Variants in ARHGEF11 observed in about 807,000 individuals in gnomAD.
ARHGEF11 encodes the protein Rho guanine exchange factor (GEF) 11.
Under a neutral mutation model 193.7 loss-of-function variants are expected in ARHGEF11, and 55 were observed. The observed-to-expected ratio is 0.28, with a 90% CI of 0.23 to 0.36. The LOEUF (loss-of-function observed/expected upper bound fraction) is 0.36. Among genes scored for constraint, ARHGEF11 ranks in the 10% least tolerant of loss-of-function variants. The pLI, the probability that ARHGEF11 is intolerant of heterozygous loss-of-function variation, is 1.00. For missense variants in ARHGEF11, 1,723 were observed against 2,005.6 expected (o/e 0.86, Z 2.69); for synonymous variants, 693 against 768.0 (o/e 0.90, Z 1.62).
At chr1:157,027,364 AGAGT>A (rs1455796377) in intron 1 of ARHGEF11, among the ~76,000 whole-genome samples, 6 of 152,210 alleles carry the variant, frequency 3.9e-5, no homozygotes, top group Non-Finnish European at 7.3e-5. Flanking sequence ...TCTGGGTGAC[AGAGT>A]GAGACCCTGT....
In ARHGEF11 at chr1:156,963,663, A is replaced by G. The variant is rs1223040828; in HGVS notation, c.964-69T>C. The stretch of plus-strand genomic sequence containing the variant: ...ACAGAGGATTCAACCACCTCAGTGA[A>G]GTTTGTTTAGTTGCAGCACAGCACT... On this transcript the variant is annotated intron_variant, in intron 11 of 40. Coordinates refer to ENST00000368194, the MANE Select transcript of ARHGEF11 (RefSeq NM_198236.3). The G allele has an allele frequency of 2.5e-6, 4 of 1,580,110 alleles. No homozygotes were observed. In the Admixed American group the frequency reaches 7.7e-5, roughly 31 times the overall value.
intron 11 of ARHGEF11, 198 bp from the exon 12 acceptor site, chr1:156,963,792 G>C: frequency 1.4e-6 from 2 of 1,419,868 alleles, no homozygotes; most frequent in Non-Finnish European, 9.1e-7. Flanking sequence ...ACTGCTTCTG[G>C]GTGGGGCAGG....
At position 157,044,553 on chromosome 1, in the gene ARHGEF11, A is replaced by G; in HGVS notation, c.-223T>C. 1 of 454,040 alleles carries G rather than the reference A, an allele frequency of 2.2e-6. No individual in the cohort carries two copies. The highest frequency in any genetic ancestry group is 3.9e-6 in the Non-Finnish European group (1 of 255,094). The allele number at this position is 454,040 out of a possible 1,614,324, so 28.1% of individuals were successfully genotyped here. A position where few individuals can be genotyped will look rare whatever the true frequency, so the allele number is the denominator to read the frequency against. On this transcript the variant is annotated 5_prime_UTR_variant, in exon 1 of 41. Transcript: ENST00000368194. The stretch of plus-strand genomic sequence containing the variant: ...GCCCCTCTTCCCCTCCCCCGCTTTA[A>G]AAAAAAAGAAAAGAAAAGAAAAAAG...
intron 3 of ARHGEF11, among the ~76,000 whole-genome samples, chr1:156,984,068 C>T (rs1192999803): frequency 1.3e-5 from 2 of 152,174 alleles, no homozygotes; most frequent in African/African-American, 4.8e-5. Flanking sequence ...GGGCTCCCTT[C>T]GATGGCAATC....
chr1:156,939,376 C>T (rs1656261263), intron 37 of ARHGEF11, 172 bp downstream of exon 37: 5 of 871,968 alleles, frequency 5.7e-6, no homozygotes, highest in South Asian at 1.7e-5. Context: ...CTCGAATGTC[C>T]AACTCCAAAG....
At chr1:157,001,228 A>C (rs770409591) in intron 1 of ARHGEF11, among the ~76,000 whole-genome samples, 8 of 152,140 alleles carry the variant, frequency 5.3e-5, no homozygotes, top group Non-Finnish European at 1.0e-4. Flanking sequence ...AGAGACTTAC[A>C]TCTTCTATTT....
intron 1 of ARHGEF11, among the ~76,000 whole-genome samples, chr1:157,013,017 G>A (rs1668727231): frequency 6.6e-6 from 1 of 152,016 alleles, no homozygotes; most frequent in Admixed American, 6.6e-5. Context: ...CTTTTTAGGG[G>A]GCGTTGACAG....
chr1:156,952,905 C>A (rs903045953), intron 21 of ARHGEF11, among the ~76,000 whole-genome samples: 1 of 152,230 alleles, frequency 6.6e-6, no homozygotes, highest in Non-Finnish European at 1.5e-5. Context: ...GCTGGGCAGC[C>A]GCAGCCCTGA....
intron 19 of ARHGEF11, 111 bp from the exon 20 acceptor site, chr1:156,955,910 A>G: frequency 1.2e-6 from 1 of 824,382 alleles, no homozygotes; most frequent in Non-Finnish European, 2.1e-6. Flanking sequence ...GTAACTGGAG[A>G]GCTGACTCTT....
In ARHGEF11 at chr1:156,935,858, C is replaced by A. The variant is rs1408574334; in HGVS notation, c.*142G>T. 8.4e-6 allele frequency: 8 copies of A among 950,006 alleles called. No individual in the cohort carries two copies. The South Asian group carries it at 1.2e-4, about 15-fold the overall frequency. The allele number at this position is 950,006 out of a possible 1,614,324, so 58.8% of individuals were successfully genotyped here. A position where few individuals can be genotyped will look rare whatever the true frequency, so the allele number is the denominator to read the frequency against. On this transcript the variant is annotated 3_prime_UTR_variant, in exon 41 of 41. Transcript: ENST00000368194. ...AGACCAAGCAACATGCGGGTCTCCC[C>A]CCGGGCCTTGGCTGGATCCTAGTTT...
At chr1:157,017,706 C>CAAAAAAA (rs1047573559) in intron 1 of ARHGEF11, among the ~76,000 whole-genome samples, 26 of 41,494 alleles carry the variant, frequency 6.3e-4, no homozygotes, top group East Asian at 1.2e-3. Context: ...GACTCCGTCT[C>CAAAAAAA]AAAAAAAAAA....
In ARHGEF11 at chr1:156,968,272, C is replaced by T. The variant is rs188468522; in HGVS notation, c.826-148G>A. Reference sequence around the variant, plus strand: ...CTCTGTGCCTGGTATTATACTAAGCCCTTCATTACACATTATCTCATTCGA... The same window carrying T: ...CTCTGTGCCTGGTATTATACTAAGCTCTTCATTACACATTATCTCATTCGA... On this transcript the variant is annotated intron_variant, in intron 10 of 40. Coordinates refer to ENST00000368194, the MANE Select transcript of ARHGEF11 (RefSeq NM_198236.3). 3.1e-5 allele frequency: 26 copies of T among 830,718 alleles called. No homozygotes were observed. The Admixed American group carries it at 7.5e-4, about 24-fold the overall frequency. 51.5% of individuals were successfully genotyped at this position (830,718 alleles called of 1,614,324 possible). A position where few individuals can be genotyped will look rare whatever the true frequency, so the allele number is the denominator to read the frequency against.
intron 38 of ARHGEF11, among the ~76,000 whole-genome samples, 164 bp downstream of exon 38, chr1:156,938,254 C>T (rs1232956608): frequency 6.6e-6 from 1 of 152,158 alleles, no homozygotes; most frequent in Non-Finnish European, 1.5e-5. Context: ...GCCTTTAGAA[C>T]CAGATCTCCC....
intron 1 of ARHGEF11, among the ~76,000 whole-genome samples, chr1:157,018,401 T>C (rs1213736778): frequency 2.6e-5 from 4 of 151,990 alleles, no homozygotes; most frequent in African/African-American, 4.8e-5. Flanking sequence ...CCCAGCACTT[T>C]GGGAGGTCAA....
At chr1:156,947,186 T>A (rs1331306354) in intron 26 of ARHGEF11, 118 bp downstream of exon 26, 12 of 1,498,882 alleles carry the variant, frequency 8.0e-6, no homozygotes, top group Non-Finnish European at 9.9e-6. Flanking sequence ...CAGATCTTTT[T>A]CTCACCAGGG....
chr1:156,968,104 C>T lies in ARHGEF11; in HGVS notation c.846G>A (p.Ser282=), dbSNP rs144267371. 9.5e-4 allele frequency: 1,536 copies of T among 1,611,134 alleles called. 12 individuals are homozygous for T. In the South Asian group the frequency reaches 0.012, roughly 13 times the overall value. Residue 282 remains serine, a synonymous_variant, in exon 11 of 41, where the codon TCG becomes TCA. Coordinates refer to ENST00000368194, the MANE Select transcript of ARHGEF11 (RefSeq NM_198236.3). ...SLSESLMNRN[S]VLSDPGLDSP... ...TGTCTAGCCCAGGGTCTGACAGTAC[C>T]GAGTTCCGATTCATCAATGACTAGA...
At chr1:156,946,185 GGGA>G (rs771256428) in intron 28 of ARHGEF11, 23 bp from the exon 29 acceptor site, 130 of 1,603,898 alleles carry the variant, frequency 8.1e-5, no homozygotes, top group South Asian at 1.1e-4. Flanking sequence ...AGACACAGAA[GGGA>G]GGAGATGTCA....
intron 6 of ARHGEF11, among the ~76,000 whole-genome samples, chr1:156,977,521 T>C (rs1460396014): frequency 2.0e-5 from 3 of 152,168 alleles, no homozygotes; most frequent in African/African-American, 7.2e-5. Flanking sequence ...CAAACAACCC[T>C]CCTGCCTCAG....
At position 156,941,365 on chromosome 1, in the gene ARHGEF11, C is replaced by A. The variant is rs546181678; in HGVS notation, c.3514+7G>T. 1 of 1,613,020 alleles carries A rather than the reference C, an allele frequency of 6.2e-7. No individual in the cohort carries two copies. Among genetic ancestry groups the A allele is most frequent in the South Asian group, 1.1e-5 (1 of 91,032 alleles). Reference sequence around the variant, plus strand: ...CTGGCTCCCACAGGACAGTTCAGGGCCCTTACCTCCAGGCAGCTCCTCAGG... The same window carrying A: ...CTGGCTCCCACAGGACAGTTCAGGGACCTTACCTCCAGGCAGCTCCTCAGG... On this transcript the variant is annotated splice_region_variant and intron_variant, in intron 35 of 40. Transcript: ENST00000368194.
Sources: allele counts gnomAD v4.1 joint callset (sites outside exome capture counted in the v4.1 genomes callset), GRCh38; gene constraint gnomAD v4.1.1; transcripts MANE v1.5; gene names NCBI Gene and HGNC (gene_info 2026-07-23, HGNC 2026-07-21).